AP1M1: variants seen among roughly 807,000 people sequenced by gnomAD.
AP1M1 encodes adaptor related protein complex 1 subunit mu 1, also known as AP-1 complex subunit mu-1.
AP1M1 carries 18 observed loss-of-function variants against 57.1 expected under a neutral mutation model. The ratio of observed to expected loss-of-function variants is 0.32; its 90% CI spans 0.22 to 0.47. The LOEUF is 0.47. AP1M1 is among the 20% of genes least tolerant of loss of function. The pLI is 1.00. For synonymous variants in AP1M1, 241 were observed against 237.9 expected, an observed-to-expected ratio of 1.01 and a Z score of -0.12; for missense variants, 362 against 593.5, an observed-to-expected ratio of 0.61 and a Z score of 4.05.
chr19:16,197,974 G>T lies in AP1M1; in HGVS notation c.-53G>T. 3 of 1,512,684 alleles carry T rather than the reference G, an allele frequency of 2.0e-6. No homozygotes were observed. The highest frequency in any genetic ancestry group is 2.1e-5 in the Admixed American group (1 of 46,752). The allele number at this position is 1,512,684 out of a possible 1,614,324, so 93.7% of individuals were successfully genotyped here. A position where few individuals can be genotyped will look rare whatever the true frequency, so the allele number is the denominator to read the frequency against. On this transcript the variant is annotated 5_prime_UTR_variant, in exon 1 of 12. Transcript: ENST00000291439. Reference sequence around the variant, plus strand: ...TGCTCAACGCCCAGCAGTCCCCACCGTCGCTGCCGCCGCCACCGCCCTCGG... The same window carrying T: ...TGCTCAACGCCCAGCAGTCCCCACCTTCGCTGCCGCCGCCACCGCCCTCGG...
chr19:16,220,669 G>T (rs148738729), intron 5 of AP1M1, among the ~76,000 whole-genome samples: 238 of 152,328 alleles, frequency 1.6e-3, no homozygotes, highest in African/African-American at 5.5e-3. Flanking sequence ...GGGATTACAG[G>T]CATGAGCCAC....
At position 16,206,331 on chromosome 19, in the gene AP1M1, CG is replaced by C; in HGVS notation, c.200-9del. 6.2e-7 allele frequency: 1 copy of C among 1,613,982 alleles called. No individual in the cohort carries two copies. Among genetic ancestry groups the C allele is most frequent in the Non-Finnish European group, 8.5e-7 (1 of 1,179,890 alleles). ...CCTCTGAATGCTCCTTAACTGTGGCCGCCATGCAGTGGTTGCCACATCCAAG... is the reference window on the plus strand; with the variant it reads ...CCTCTGAATGCTCCTTAACTGTGGCCCCATGCAGTGGTTGCCACATCCAAG... On this transcript the variant is annotated splice_polypyrimidine_tract_variant and intron_variant, in intron 2 of 11. Transcript: ENST00000291439. This position sits in a 1 kb window ranked among gnomAD's most constrained non-coding sequence, Gnocchi z 4.3.
chr19:16,200,811 G>C (rs2091443908), intron 1 of AP1M1, among the ~76,000 whole-genome samples: 1 of 152,184 alleles, frequency 6.6e-6, no homozygotes, highest in Non-Finnish European at 1.5e-5. Context: ...CTGCGCTCTG[G>C]GGGGTTTCCT....
At position 16,227,172 on chromosome 19, in the gene AP1M1, C is replaced by T. The variant is rs1422600407; in HGVS notation, c.674-376C>T. ...CATAGCCCTCAGTGAGGTGGCAAAC[C>T]AAGGTAGGACCCAGGACCCCGTGGA... On this transcript the variant is annotated intron_variant, in intron 6 of 11. Coordinates refer to ENST00000291439, the MANE Select transcript of AP1M1 (RefSeq NM_032493.4). This position sits in a 1 kb window ranked among gnomAD's most constrained non-coding sequence, Gnocchi z 6.2. 6.6e-6 allele frequency among the ~76,000 whole-genome samples: 1 copy of T among 152,150 alleles called. No homozygotes were observed. Among genetic ancestry groups the T allele is most frequent in the East Asian group, 1.9e-4 (1 of 5,190 alleles).
chr19:16,216,806 T>C (rs1378744631), intron 5 of AP1M1, among the ~76,000 whole-genome samples: 1 of 152,216 alleles, frequency 6.6e-6, no homozygotes, highest in Non-Finnish European at 1.5e-5. Flanking sequence ...CCTGCTCTGC[T>C]AGAGGGGCCA....
chr19:16,204,929 C>T (rs1056467072), intron 2 of AP1M1, among the ~76,000 whole-genome samples: 1 of 135,512 alleles, frequency 7.4e-6, no homozygotes, highest in Non-Finnish European at 1.7e-5. Context: ...CTCCCGGGTT[C>T]GCGCTATTCT....
chr19:16,211,713 G>T (rs994049486), intron 5 of AP1M1, among the ~76,000 whole-genome samples: 1 of 151,746 alleles, frequency 6.6e-6, no homozygotes, highest in Non-Finnish European at 1.5e-5. Context: ...TTGTGCCACC[G>T]CACTCCAGCC....
At chr19:16,229,121 G>C (rs1419243633) in intron 9 of AP1M1, among the ~76,000 whole-genome samples, 193 bp downstream of exon 9, 1 of 152,228 alleles carries the variant, frequency 6.6e-6, no homozygotes, top group Non-Finnish European at 1.5e-5. Flanking sequence ...CTCGGCCCCT[G>C]GGCCCCTTTC....
chr19:16,234,358 C>A (rs2091614035), intron 11 of AP1M1, 55 bp from the exon 12 acceptor site: 1 of 1,613,624 alleles, frequency 6.2e-7, no homozygotes, highest in Non-Finnish European at 8.5e-7. Context: ...CGGGTCGGGT[C>A]CCGAAAGCAG....
chr19:16,237,580 A>G lies in AP1M1; in HGVS notation c.*3145A>G, dbSNP rs527836847. On this transcript the variant is annotated 3_prime_UTR_variant, in exon 12 of 12. Transcript: ENST00000291439. ...AGACCCCATCTCTACTAAAAATACC[A>G]AAATTAGCCAGGCATGGTGGCGGGC... 1.3e-5 allele frequency: 2 copies of G among 151,514 alleles called. No homozygotes were observed. The highest frequency in any genetic ancestry group is 4.0e-4 in the East Asian group (2 of 5,058). 9.4% of individuals were successfully genotyped at this position (151,514 alleles called of 1,614,324 possible).
intron 5 of AP1M1, among the ~76,000 whole-genome samples, chr19:16,221,132 T>C (rs10451500): frequency 0.015 from 2,289 of 152,332 alleles, 60 homozygotes; most frequent in African/African-American, 0.052. Flanking sequence ...TTTTTTGTTT[T>C]GTTTTGTTTT....
At chr19:16,231,341 T>C (rs1365794747) in intron 9 of AP1M1, among the ~76,000 whole-genome samples, 1 of 146,292 alleles carries the variant, frequency 6.8e-6, no homozygotes, top group Non-Finnish European at 1.5e-5. Context: ...ACAGATTAGA[T>C]AGATAGATAG....
At chr19:16,225,271 G>A (rs1489012632) in intron 5 of AP1M1, among the ~76,000 whole-genome samples, 2 of 152,236 alleles carry the variant, frequency 1.3e-5, no homozygotes, top group African/African-American at 4.8e-5. Context: ...CTGCAGACAG[G>A]AAATGCAGGC....
Position 16,238,806 on chromosome 19 carries a change from A to G in AP1M1, c.*4371A>G, listed in dbSNP as rs2091634666. ...ATGGTCACGGCTCACTGCAGCTTCA[A>G]ACTCCTGGGCTCAAGTGATCCTCCC... On this transcript the variant is annotated 3_prime_UTR_variant, in exon 12 of 12. Coordinates refer to ENST00000291439, the MANE Select transcript of AP1M1 (RefSeq NM_032493.4). 6.6e-6 allele frequency: 1 copy of G among 151,264 alleles called. No individual in the cohort carries two copies. The highest frequency in any genetic ancestry group is 2.4e-5 in the African/African-American group (1 of 40,898). 9.4% of individuals were successfully genotyped at this position (151,264 alleles called of 1,614,324 possible). A position where few individuals can be genotyped will look rare whatever the true frequency, so the allele number is the denominator to read the frequency against.
chr19:16,229,342 C>T (rs755005937), intron 9 of AP1M1, among the ~76,000 whole-genome samples: 2 of 152,260 alleles, frequency 1.3e-5, no homozygotes, highest in Non-Finnish European at 2.9e-5. Context: ...GCCTGTAGGC[C>T]GGAGCAGCAC....
At chr19:16,208,502 A>G (rs1021751976) in intron 4 of AP1M1, among the ~76,000 whole-genome samples, 3 of 152,166 alleles carry the variant, frequency 2.0e-5, no homozygotes, top group Non-Finnish European at 4.4e-5. Flanking sequence ...ATAAGAAGCA[A>G]TGTGAATTAA....
intron 1 of AP1M1, among the ~76,000 whole-genome samples, chr19:16,199,925 G>A (rs113184319): frequency 8.5e-5 from 13 of 152,258 alleles, no homozygotes; most frequent in African/African-American, 2.6e-4. Flanking sequence ...GTCCATTGGC[G>A]CCATGGCTGT....
At chr19:16,208,856 C>A in intron 4 of AP1M1, 174 bp from the exon 5 acceptor site, 1 of 673,824 alleles carries the variant, frequency 1.5e-6, no homozygotes, top group Non-Finnish European at 2.4e-6. Flanking sequence ...TATGAAGCAG[C>A]CCCAGGTGAA....
chr19:16,233,180 A>G (rs2091606588), intron 9 of AP1M1, among the ~76,000 whole-genome samples: 1 of 152,054 alleles, frequency 6.6e-6, no homozygotes, highest in African/African-American at 2.4e-5. Context: ...GCATTAGGGG[A>G]GCTGGGCGGG....
Sources: gnomAD v4.1 joint callset for allele counts (sites outside exome capture counted in the v4.1 genomes callset) on GRCh38, gnomAD v4.1.1 for gene constraint, Gnocchi (gnomAD v3.1) non-coding constraint, MANE v1.5 for transcripts, NCBI Gene and HGNC (gene_info 2026-07-23, HGNC 2026-07-21) for gene names.